GLIPR1L2: variants seen among roughly 807,000 people sequenced by gnomAD.
GLIPR1L2 encodes GLIPR1-like protein 2.
Under a neutral mutation model 28.4 loss-of-function variants are expected in GLIPR1L2, and 21 were observed. The ratio of observed to expected loss-of-function variants is 0.74; its 90% confidence interval spans 0.52 to 1.06. The LOEUF (loss-of-function observed/expected upper bound fraction) is 1.06. Among genes scored for constraint, GLIPR1L2 ranks in the 50% least tolerant of loss-of-function variants. The probability of loss-of-function intolerance (pLI) is 0.00; values close to 1 mark genes in which losing one functional copy is unlikely to be tolerated. For synonymous variants in GLIPR1L2, 145 were observed against 139.3 expected (o/e 1.04, Z -0.29); for missense variants, 476 against 416.9 (o/e 1.14, Z -1.23).
intron 4 of GLIPR1L2, among the ~76,000 whole-genome samples, chr12:75,425,247 AT>A (rs2046022414): frequency 6.6e-6 from 1 of 152,156 alleles, no homozygotes; most frequent in Admixed American, 6.5e-5. Flanking sequence ...TGAGGAAGGC[AT>A]CCCTGGGGGG....
At chr12:75,417,775 A>T (rs1594022432) in intron 3 of GLIPR1L2, among the ~76,000 whole-genome samples, 1 of 131,950 alleles carries the variant, frequency 7.6e-6, no homozygotes. Flanking sequence ...TCAGAAAAAA[A>T]CTGAAACTAT....
chr12:75,427,422 A>T (rs956982476), intron 4 of GLIPR1L2, among the ~76,000 whole-genome samples: 1 of 152,260 alleles, frequency 6.6e-6, no homozygotes, highest in Admixed American at 6.5e-5. Flanking sequence ...ATAAAGTAAG[A>T]CCAAGCGCAA....
chr12:75,423,412 A>G (rs2045999610), intron 4 of GLIPR1L2: 1 of 954,498 alleles, frequency 1.0e-6, no homozygotes, highest in Non-Finnish European at 1.3e-6. Context: ...AAATATTTCA[A>G]AAGTAAAAAG....
intron 1 of GLIPR1L2, among the ~76,000 whole-genome samples, chr12:75,406,369 T>G (rs922041017): frequency 7.9e-5 from 12 of 152,128 alleles, no homozygotes; most frequent in Non-Finnish European, 4.4e-5. Context: ...ATAGACTATC[T>G]CAAAGAATTT....
chr12:75,427,795 G>A (rs2046049172), intron 4 of GLIPR1L2, among the ~76,000 whole-genome samples: 1 of 152,078 alleles, frequency 6.6e-6, no homozygotes, highest in Admixed American at 6.6e-5. Context: ...TAAAGTGTTT[G>A]GCAGTTGCCC....
Position 75,413,709 on chromosome 12 carries a change from A to G in GLIPR1L2, c.584+8A>G. On this transcript the variant is annotated splice_region_variant and intron_variant, in intron 3 of 5. Coordinates refer to ENST00000550916, the MANE Select transcript of GLIPR1L2 (RefSeq NM_001270396.2). Reference sequence around the variant, plus strand: ...ATGCAACTATGCGCCAGGGTAAGTTACTTAAAATTAATAAAAGAATATAAA... The same window carrying G: ...ATGCAACTATGCGCCAGGGTAAGTTGCTTAAAATTAATAAAAGAATATAAA... 3.2e-6 allele frequency: 4 copies of G among 1,256,352 alleles called. No homozygotes were observed. Among genetic ancestry groups the G allele is most frequent in the East Asian group, 2.7e-5 (1 of 37,546 alleles). 77.8% of individuals were successfully genotyped at this position (1,256,352 alleles called of 1,614,324 possible).
intron 1 of GLIPR1L2, among the ~76,000 whole-genome samples, chr12:75,400,550 G>T (rs146242669): frequency 6.6e-6 from 1 of 152,100 alleles, no homozygotes; most frequent in Non-Finnish European, 1.5e-5. Flanking sequence ...ACAGATCCAC[G>T]GAATTAATTA....
Position 75,391,303 on chromosome 12 carries a change from G to A in GLIPR1L2, c.187G>A (p.Glu63Lys), listed in dbSNP as rs759746035. 3.7e-6 allele frequency: 6 copies of A among 1,614,196 alleles called. No individual in the cohort carries two copies. Among genetic ancestry groups the A allele is most frequent in the Non-Finnish European group, 4.2e-6 (5 of 1,180,030 alleles). Residue 63 changes from glutamate to lysine, a missense_variant, in exon 1 of 6, where the codon GAG (glutamate) becomes AAG (lysine). Physicochemically the swap from Glu to Lys is moderately conservative, Grantham distance 56. Transcript: ENST00000550916. The part of the protein sequence containing the change: ...FINEYVNLHN[E>K]LRGDVIPRGS... ...CAACGAGTACGTGAACCTCCACAATGAGCTGCGGGGCGACGTCATTCCCCG... is the reference window on the plus strand; with the variant it reads ...CAACGAGTACGTGAACCTCCACAATAAGCTGCGGGGCGACGTCATTCCCCG...
intron 4 of GLIPR1L2, 74 bp from the exon 5 acceptor site, chr12:75,430,641 T>C: frequency 3.0e-6 from 4 of 1,350,118 alleles, no homozygotes; most frequent in South Asian, 1.3e-5. Context: ...GACACTATTA[T>C]TGGGAGATTA....
chr12:75,403,228 C>T (rs945714371), intron 1 of GLIPR1L2: 3 of 420,666 alleles, frequency 7.1e-6, no homozygotes, highest in African/African-American at 6.2e-5. Flanking sequence ...TTTTAAGCTT[C>T]TGTAAACTCT....
chr12:75,430,745 T>TGTA lies in GLIPR1L2; in HGVS notation c.697+5_697+7dup. The TGTA allele has an allele frequency of 6.5e-7, 1 of 1,534,850 alleles. No homozygotes were observed. The highest frequency in any genetic ancestry group is 8.7e-7 in the Non-Finnish European group (1 of 1,146,458). On this transcript the variant is annotated splice_donor_region_variant and intron_variant, in intron 5 of 5. Coordinates refer to ENST00000550916, the MANE Select transcript of GLIPR1L2 (RefSeq NM_001270396.2). ...GCAGATCGTGACCAAGCCACATGTATGTATTGTTGTCCTTTATTTCTTGAA... is the reference window on the plus strand; with the variant it reads ...GCAGATCGTGACCAAGCCACATGTATGTAGTATTGTTGTCCTTTATTTCTTGAA...
chr12:75,395,223 A>G (rs567534642), intron 1 of GLIPR1L2, among the ~76,000 whole-genome samples: 47 of 152,152 alleles, frequency 3.1e-4, no homozygotes, highest in East Asian at 3.9e-4. Flanking sequence ...AATGTATTCT[A>G]TCACATTGAT....
At chr12:75,409,644 CTT>C (rs1483953118) in intron 1 of GLIPR1L2, among the ~76,000 whole-genome samples, 13 of 144,750 alleles carry the variant, frequency 9.0e-5, no homozygotes, top group Non-Finnish European at 1.8e-4. Context: ...TATATAGGAT[CTT>C]ATATATATAA....
At position 75,422,853 on chromosome 12, in the gene GLIPR1L2, T is replaced by G. The variant is rs1045690091; in HGVS notation, c.585-51T>G. On this transcript the variant is annotated intron_variant, in intron 3 of 5. Transcript: ENST00000550916. Reference sequence around the variant, plus strand: ...GTAACTATATTATTTAAATTACATGTAAAAATGGAAGCTTATTCTAACTAA... The same window carrying G: ...GTAACTATATTATTTAAATTACATGGAAAAATGGAAGCTTATTCTAACTAA... The G allele has an allele frequency of 1.0e-5, 15 of 1,450,468 alleles. No individual in the cohort carries two copies. The African/African-American group carries it at 2.2e-4, about 21-fold the overall frequency. 89.8% of individuals were successfully genotyped at this position (1,450,468 alleles called of 1,614,324 possible).
intron 3 of GLIPR1L2, among the ~76,000 whole-genome samples, chr12:75,421,883 A>G (rs1242417633): frequency 6.6e-6 from 1 of 152,188 alleles, no homozygotes; most frequent in Non-Finnish European, 1.5e-5. Flanking sequence ...TGTAAACTCT[A>G]CAGATACTTA....
chr12:75,420,297 T>C (rs2045964056), intron 3 of GLIPR1L2, among the ~76,000 whole-genome samples: 1 of 152,218 alleles, frequency 6.6e-6, no homozygotes, highest in Admixed American at 6.5e-5. Flanking sequence ...TGGTGGCAGA[T>C]ACGAGTCTAG....
At chr12:75,416,780 C>A (rs1398338728) in intron 3 of GLIPR1L2, among the ~76,000 whole-genome samples, 1 of 152,068 alleles carries the variant, frequency 6.6e-6, no homozygotes, top group Non-Finnish European at 1.5e-5. Context: ...GCACAAGCTT[C>A]TTTGTCTTGA....
chr12:75,413,528 T>A, intron 2 of GLIPR1L2, 70 bp from the exon 3 acceptor site: 1 of 841,074 alleles, frequency 1.2e-6, no homozygotes, highest in Non-Finnish European at 1.9e-6. Context: ...ATGGAATATA[T>A]TATTGTTTAT....
At chr12:75,395,129 G>T (rs2045669708) in intron 1 of GLIPR1L2, among the ~76,000 whole-genome samples, 1 of 151,716 alleles carries the variant, frequency 6.6e-6, no homozygotes, top group African/African-American at 2.4e-5. Context: ...TTTATTTATT[G>T]GTTCTAACAG....
Sources: allele counts gnomAD v4.1 joint callset (sites outside exome capture counted in the v4.1 genomes callset), GRCh38; gene constraint gnomAD v4.1.1; transcripts MANE v1.5; gene names NCBI Gene and HGNC (gene_info 2026-07-23, HGNC 2026-07-21).